DCAF17: variants seen among roughly 807,000 people sequenced by gnomAD.
DCAF17 encodes the protein DDB1 and CUL4 associated factor 17, also known as DDB1- and CUL4-associated factor 17.
A neutral mutation model predicts 66.0 loss-of-function variants in DCAF17; 48 were observed. That is an observed-to-expected ratio of 0.73 (90% CI 0.58 to 0.92). The LOEUF is 0.92. Ranked by LOEUF, DCAF17 falls within the 40% of genes least tolerant of loss-of-function variation. The probability of loss-of-function intolerance (pLI) is 0.00; values close to 1 mark genes in which losing one functional copy is unlikely to be tolerated. For missense variants in DCAF17, 562 were observed against 622.8 expected (o/e 0.90, Z 1.04); for synonymous variants, 206 against 214.6 (o/e 0.96, Z 0.35).
chr2:171,438,375 G>T (rs1422595343), intron 2 of DCAF17, among the ~76,000 whole-genome samples: 8 of 151,996 alleles, frequency 5.3e-5, no homozygotes, highest in Admixed American at 5.2e-4. Flanking sequence ...TTGACTGATG[G>T]TACCTTTCAG....
At chr2:171,470,258 A>G (rs1696165992) in intron 9 of DCAF17, among the ~76,000 whole-genome samples, 1 of 152,026 alleles carries the variant, frequency 6.6e-6, no homozygotes, top group Admixed American at 6.6e-5. Flanking sequence ...CCTGGCCTCA[A>G]GTGATCCTCC....
intron 10 of DCAF17, among the ~76,000 whole-genome samples, chr2:171,476,097 A>G (rs1166705928): frequency 2.0e-5 from 3 of 151,478 alleles, no homozygotes; most frequent in Admixed American, 6.6e-5. Context: ...GTCTTTGGGA[A>G]CTCTGAGGTC....
chr2:171,439,276 G>C (rs932684250), intron 2 of DCAF17, among the ~76,000 whole-genome samples: 12 of 151,308 alleles, frequency 7.9e-5, no homozygotes, highest in Non-Finnish European at 1.6e-4. Context: ...CTTCCTTCTG[G>C]TATTCCCATT....
Position 171,435,811 on chromosome 2 carries a change from CT to C in DCAF17, c.230+632del, listed in dbSNP as rs1484228678. 2.0e-4 allele frequency among the ~76,000 whole-genome samples: 30 copies of C among 152,116 alleles called. No individual in the cohort carries two copies. In the East Asian group the frequency reaches 4.8e-3, roughly 24 times the overall value. On this transcript the variant is annotated intron_variant, in intron 2 of 13. Coordinates refer to ENST00000375255, the MANE Select transcript of DCAF17 (RefSeq NM_025000.4). Reference sequence around the variant, plus strand: ...CAGTTTGCATTTTTAAAAAAATGAGCTTTTTTTATAGGCTTTATTAGGATAT... The same window carrying C: ...CAGTTTGCATTTTTAAAAAAATGAGCTTTTTTATAGGCTTTATTAGGATAT...
chr2:171,460,275 A>G lies in DCAF17; in HGVS notation c.838+1798A>G, dbSNP rs9679537. Among the ~76,000 whole-genome samples the G allele has an allele frequency of 3.3e-4, 50 of 149,392 alleles. 1 individual carries two copies. In the East Asian group the frequency reaches 7.4e-3, roughly 22 times the overall value. ...GAGATGGAGGTTGCAGTGAGCCGAG[A>G]TCGTGCCACTGCACTCTAGCCTGGG... is the stretch of plus-strand genomic sequence containing the variant. On this transcript the variant is annotated intron_variant, in intron 8 of 13. Transcript: ENST00000375255.
At chr2:171,462,968 A>C (rs1695673668) in intron 8 of DCAF17, among the ~76,000 whole-genome samples, 1 of 152,232 alleles carries the variant, frequency 6.6e-6, no homozygotes, top group Non-Finnish European at 1.5e-5. Context: ...ATAGTGGCTC[A>C]TGCCTGTAAT....
chr2:171,460,337 A>C (rs1490289370), intron 8 of DCAF17, among the ~76,000 whole-genome samples: 1 of 151,468 alleles, frequency 6.6e-6, no homozygotes, highest in Non-Finnish European at 1.5e-5. Flanking sequence ...AAAAAAAAAA[A>C]AAAAGTGAGT....
rs1694772400 is a variant in DCAF17 at position 171,448,624 on chromosome 2, C to T, written c.322-57C>T. The T allele has an allele frequency of 4.1e-6, 6 of 1,455,028 alleles. No individual in the cohort carries two copies. In the Admixed American group the frequency reaches 9.7e-5, roughly 23 times the overall value. 90.1% of individuals were successfully genotyped at this position (1,455,028 alleles called of 1,614,324 possible). On this transcript the variant is annotated intron_variant, in intron 3 of 13. Coordinates refer to ENST00000375255, the MANE Select transcript of DCAF17 (RefSeq NM_025000.4). ...AGCTATTTTCTTTGGACATTGATTA[C>T]TGCAAATTGTTCATGGCCAAGCAGT...
At chr2:171,435,359 A>G (rs1310208789) in intron 2 of DCAF17, among the ~76,000 whole-genome samples, 173 bp downstream of exon 2, 3 of 152,226 alleles carry the variant, frequency 2.0e-5, no homozygotes, top group Non-Finnish European at 4.4e-5. Context: ...TGTTAAATCT[A>G]AAGTTGCAGG....
At chr2:171,472,956 G>C (rs767066254) in intron 9 of DCAF17, 1 of 303,166 alleles carries the variant, frequency 3.3e-6, no homozygotes, top group Non-Finnish European at 6.8e-6. Context: ...TGGATATAAG[G>C]TAATACATTT....
chr2:171,481,991 A>C lies in DCAF17; in HGVS notation c.*877A>C, dbSNP rs551788116. On this transcript the variant is annotated 3_prime_UTR_variant, in exon 14 of 14. Coordinates refer to ENST00000375255, the MANE Select transcript of DCAF17 (RefSeq NM_025000.4). ...GTTTCCTGTAGAAAAGTGGATAAAG[A>C]GTCCCAGAAGAAGTTCTTACTAGCT... 2.0e-5 allele frequency: 9 copies of C among 454,090 alleles called. No individual in the cohort carries two copies. In the East Asian group the frequency reaches 6.3e-4, roughly 32 times the overall value. The allele number at this position is 454,090 out of a possible 1,614,324, so 28.1% of individuals were successfully genotyped here. A position where few individuals can be genotyped will look rare whatever the true frequency, so the allele number is the denominator to read the frequency against.
At chr2:171,453,630 A>C (rs1184665259) in intron 6 of DCAF17, among the ~76,000 whole-genome samples, 1 of 152,204 alleles carries the variant, frequency 6.6e-6, no homozygotes, top group African/African-American at 2.4e-5. Flanking sequence ...ATATTTAAAT[A>C]TGTAAATTTT....
Position 171,481,077 on chromosome 2 carries a change from C to T in DCAF17, c.1526C>T (p.Thr509Ile). 2 of 1,613,708 alleles carry T rather than the reference C, an allele frequency of 1.2e-6. No individual in the cohort carries two copies. Among genetic ancestry groups the T allele is most frequent in the Non-Finnish European group, 1.7e-6 (2 of 1,179,694 alleles). ...SCYVYQMICD[T>I]GEEEETINRS... Reference sequence around the variant, plus strand: ...TATGTTTACCAGATGATATGTGACACTGGGGAAGAAGAAGAAACCATAAAC... The same window carrying T: ...TATGTTTACCAGATGATATGTGACATTGGGGAAGAAGAAGAAACCATAAAC... Residue 509 changes from threonine to isoleucine, a missense_variant, in exon 14 of 14, where the codon ACT becomes ATT. By Grantham distance (89) the Thr-to-Ile change is moderately conservative. Coordinates refer to ENST00000375255, the MANE Select transcript of DCAF17 (RefSeq NM_025000.4).
chr2:171,484,405 G>C lies in DCAF17; in HGVS notation c.*3291G>C, dbSNP rs1438809489. Reference sequence around the variant, plus strand: ...GTTCAAACATACAGTAAAATTGAAAGAATTTTATAGTAAATACTGACCACG... The same window carrying C: ...GTTCAAACATACAGTAAAATTGAAACAATTTTATAGTAAATACTGACCACG... On this transcript the variant is annotated 3_prime_UTR_variant, in exon 14 of 14. Coordinates refer to ENST00000375255, the MANE Select transcript of DCAF17 (RefSeq NM_025000.4). 1 of 391,504 alleles carries C rather than the reference G, an allele frequency of 2.6e-6. No homozygotes were observed. The highest frequency in any genetic ancestry group is 7.3e-5 in the East Asian group (1 of 13,732). 24.3% of individuals were successfully genotyped at this position (391,504 alleles called of 1,614,324 possible).
intron 5 of DCAF17, 137 bp from the exon 6 acceptor site, chr2:171,452,987 G>A (rs2105761169): frequency 3.6e-6 from 2 of 548,848 alleles, no homozygotes; most frequent in South Asian, 3.5e-5. Flanking sequence ...TTGCAATCTA[G>A]ATAGATGGTT....
At chr2:171,468,117 A>T (rs1470442337) in intron 8 of DCAF17, among the ~76,000 whole-genome samples, 1 of 152,150 alleles carries the variant, frequency 6.6e-6, no homozygotes, top group African/African-American at 2.4e-5. Flanking sequence ...CTATTTATGC[A>T]TCTAAGAATA....
At position 171,483,570 on chromosome 2, in the gene DCAF17, T is replaced by G. The variant is rs1696831600; in HGVS notation, c.*2456T>G. 1 of 454,028 alleles carries G rather than the reference T, an allele frequency of 2.2e-6. No homozygotes were observed. Among genetic ancestry groups the G allele is most frequent in the Non-Finnish European group, 4.4e-6 (1 of 226,802 alleles). 28.1% of individuals were successfully genotyped at this position (454,028 alleles called of 1,614,324 possible). On this transcript the variant is annotated 3_prime_UTR_variant, in exon 14 of 14. Coordinates refer to ENST00000375255, the MANE Select transcript of DCAF17 (RefSeq NM_025000.4). ...CCTATTTACTATTTGTGCTACCTAG[T>G]GAGGAGATACCGCTCTGTTTAGACA...
At chr2:171,459,416 T>C (rs1299666372) in intron 8 of DCAF17, among the ~76,000 whole-genome samples, 2 of 152,318 alleles carry the variant, frequency 1.3e-5, no homozygotes, top group Middle Eastern at 3.4e-3. Flanking sequence ...CCAAGGATGG[T>C]TTAATGTTTA....
intron 10 of DCAF17, among the ~76,000 whole-genome samples, chr2:171,475,659 A>T (rs766081770): frequency 6.6e-6 from 1 of 152,194 alleles, no homozygotes; most frequent in Non-Finnish European, 1.5e-5. Context: ...GCTCCTCAGG[A>T]GTCTGGGGCA....
Sources: allele counts gnomAD v4.1 joint callset (sites outside exome capture counted in the v4.1 genomes callset), GRCh38; gene constraint gnomAD v4.1.1; transcripts MANE v1.5; gene names NCBI Gene and HGNC (gene_info 2026-07-23, HGNC 2026-07-21).